ARSG: variants seen among roughly 807,000 people sequenced by gnomAD.
ARSG encodes arylsulfatase G.
Under a neutral mutation model 50.5 loss-of-function variants are expected in ARSG, and 37 were observed. The observed-to-expected ratio is 0.73, with a 90% CI of 0.56 to 0.96. The LOEUF is 0.96. Among genes scored for constraint, ARSG ranks in the 50% least tolerant of loss-of-function variants. ARSG has a pLI of 0.00. For missense variants in ARSG, 629 were observed against 675.3 expected (o/e 0.93, Z 0.76); for synonymous variants, 225 against 254.6 (o/e 0.88, Z 1.11).
At chr17:68,401,324 A>G in intron 10 of ARSG, 36 bp from the exon 11 acceptor site, 2 of 1,594,798 alleles carry the variant, frequency 1.3e-6, no homozygotes, top group Non-Finnish European at 1.7e-6. Context: ...AGTTCTGCCA[A>G]TTTTTCTATT....
intron 10 of ARSG, among the ~76,000 whole-genome samples, chr17:68,395,559 A>G (rs559688695): frequency 6.6e-6 from 1 of 152,322 alleles, no homozygotes; most frequent in Admixed American, 6.5e-5. Context: ...AGACCCCAAA[A>G]GGTGAAGCAT....
intron 8 of ARSG, among the ~76,000 whole-genome samples, chr17:68,382,845 G>A (rs1233326250): frequency 1.3e-5 from 2 of 152,136 alleles, no homozygotes; most frequent in Non-Finnish European, 2.9e-5. Flanking sequence ...TGGGTGGCTG[G>A]CATATATAAT....
Position 68,367,643 on chromosome 17 carries a change from G to A in ARSG, c.705-905G>A, listed in dbSNP as rs1388455804. Among the ~76,000 whole-genome samples, 1 of 152,098 alleles carries A rather than the reference G, an allele frequency of 6.6e-6. No individual in the cohort carries two copies. Among genetic ancestry groups the A allele is most frequent in the East Asian group, 1.9e-4 (1 of 5,190 alleles). ...AAGCCTTTCATTCTGCACTTTCCAG[G>A]GAAATCAGGATGAGTACAGAGGCAG... On this transcript the variant is annotated intron_variant, in intron 6 of 11. Transcript: ENST00000621439. The surrounding 1 kb of genome is among the most constrained non-coding windows in gnomAD (Gnocchi z 4.5).
intron 1 of ARSG, among the ~76,000 whole-genome samples, chr17:68,301,359 C>T (rs1444678733): frequency 6.6e-6 from 1 of 152,176 alleles, no homozygotes; most frequent in African/African-American, 2.4e-5. Flanking sequence ...AACCCTTTGT[C>T]CTGGCTATCG....
intron 6 of ARSG, among the ~76,000 whole-genome samples, chr17:68,358,034 C>T (rs892652971): frequency 3.3e-5 from 5 of 151,608 alleles, no homozygotes; most frequent in African/African-American, 9.7e-5. Flanking sequence ...GAAACTCTGT[C>T]GCTACAAGCA....
chr17:68,276,705 T>C (rs1319539287), intron 1 of ARSG, among the ~76,000 whole-genome samples: 2 of 152,128 alleles, frequency 1.3e-5, no homozygotes, highest in African/African-American at 4.8e-5. Flanking sequence ...CCTTTCATCT[T>C]GGCCTCCCAG....
intron 6 of ARSG, among the ~76,000 whole-genome samples, chr17:68,357,139 ACTCAAGGCATTTGTTGAG>A (rs1282134505): frequency 6.6e-6 from 1 of 152,172 alleles, no homozygotes; most frequent in East Asian, 1.9e-4. Flanking sequence ...CACTCTGGGC[ACTCAAGGCATTTGTTGAG>A]CTCACTAGCT....
chr17:68,349,272 G>A (rs559033714), intron 4 of ARSG, among the ~76,000 whole-genome samples: 3 of 151,910 alleles, frequency 2.0e-5, no homozygotes, highest in South Asian at 2.1e-4. Flanking sequence ...CAGCCTAGGC[G>A]ACAAAACTGA....
intron 1 of ARSG, among the ~76,000 whole-genome samples, chr17:68,275,448 GC>G (rs1189946979): frequency 2.0e-5 from 3 of 152,132 alleles, no homozygotes; most frequent in Non-Finnish European, 2.9e-5. Flanking sequence ...ATCATTTTGA[GC>G]CAGGATGTTG....
chr17:68,439,199 T>G, the ARSG span, among the ~76,000 whole-genome samples: 50,241 of 152,102 alleles, frequency 0.33, 8,805 homozygotes, highest in Middle Eastern at 0.46. Context: ...CATGGCAGCA[T>G]TATTCATAAG....
chr17:68,379,755 G>A (rs992894952), intron 8 of ARSG: 23 of 905,472 alleles, frequency 2.5e-5, no homozygotes, highest in African/African-American at 7.2e-5. Context: ...GGACCCTGTC[G>A]AATGACATTC....
rs988006590 is a variant in ARSG, at chr17:68,381,435, C to T, written c.983-3629C>T. 2.0e-5 allele frequency among the ~76,000 whole-genome samples: 3 copies of T among 152,114 alleles called. No homozygotes were observed. The highest frequency in any genetic ancestry group is 4.8e-5 in the African/African-American group (2 of 41,410). ...AGACACGCATTTCTCGACAGAAAGC[C>T]GAAGGCAACTAACAGTTTTAATGTG... On this transcript the variant is annotated intron_variant, in intron 8 of 11. Transcript: ENST00000621439. This position sits in a 1 kb window ranked among gnomAD's most constrained non-coding sequence, Gnocchi z 4.1.
intron 1 of ARSG, among the ~76,000 whole-genome samples, chr17:68,301,081 GCACTC>G (rs1208239908): frequency 1.3e-5 from 2 of 150,402 alleles, no homozygotes; most frequent in Admixed American, 1.3e-4. Flanking sequence ...TCGCACCACT[GCACTC>G]CAGCCTGGGT....
At chr17:68,334,131 C>T (rs1403410594) in intron 2 of ARSG, among the ~76,000 whole-genome samples, 3 of 152,160 alleles carry the variant, frequency 2.0e-5, no homozygotes, top group Admixed American at 6.5e-5. Context: ...CACACCTTCC[C>T]TTCCCTCATT....
intron 1 of ARSG, among the ~76,000 whole-genome samples, chr17:68,283,522 G>GA (rs368039909): frequency 0.24 from 26,333 of 111,994 alleles, 2,553 homozygotes; most frequent in Middle Eastern, 0.38. Context: ...CTCCGTATCA[G>GA]AAAAAAAAAA....
At chr17:68,426,251 G>GGGGGGGGGA, downstream of ARSG, 1 of 825,460 alleles carries the variant, frequency 1.2e-6, no homozygotes, top group Non-Finnish European at 1.9e-6. Flanking sequence ...GTGGGGAGCG[G>GGGGGGGGGA]GGGCTCAAAT....
intron 2 of ARSG, among the ~76,000 whole-genome samples, chr17:68,333,343 A>G (rs116704790): frequency 0.012 from 1,739 of 147,874 alleles, 37 homozygotes; most frequent in African/African-American, 0.042. Context: ...AAGAGTAATA[A>G]GAGGCCGGGC....
chr17:68,339,047 T>G (rs1325564709), intron 2 of ARSG, among the ~76,000 whole-genome samples: 1 of 152,226 alleles, frequency 6.6e-6, no homozygotes. Flanking sequence ...GGCCCCTGCC[T>G]AAGAGATTCT....
chr17:68,301,238 A>G (rs550345704), intron 1 of ARSG, among the ~76,000 whole-genome samples: 1 of 152,286 alleles, frequency 6.6e-6, no homozygotes, highest in South Asian at 2.1e-4. Flanking sequence ...CTTGGCCCCT[A>G]CACTCTAAGA....
Sources: allele counts gnomAD v4.1 joint callset (sites outside exome capture counted in the v4.1 genomes callset), GRCh38; gene constraint gnomAD v4.1.1; non-coding constraint Gnocchi (gnomAD v3.1); transcripts MANE v1.5; gene names NCBI Gene and HGNC (gene_info 2026-07-23, HGNC 2026-07-21).